The following TRPC5 variants were observed in gnomAD, a reference collection of about 807,000 sequenced individuals.
The protein encoded by TRPC5 is short transient receptor potential channel 5.
TRPC5 carries 9 observed loss-of-function variants against 56.5 expected under a neutral mutation model. The ratio of observed to expected loss-of-function variants is 0.16; its 90% confidence interval spans 0.10 to 0.28. TRPC5 has a LOEUF of 0.28. Ranked by LOEUF, TRPC5 falls within the 10% of genes least tolerant of loss-of-function variation. The pLI is 1.00. For synonymous variants in TRPC5, 282 were observed against 278.5 expected (o/e 1.01, Z -0.13); for missense variants, 469 against 748.9 (o/e 0.63, Z 4.36).
At chrX:112,034,316 G>GT (rs796144559) in intron 1 of TRPC5, among the ~76,000 whole-genome samples, 2,550 of 86,573 alleles carry the variant, frequency 0.029, 38 homozygotes, top group Non-Finnish European at 0.04. Context: ...ATCATTTTTT[G>GT]TTTTTTTTTT....
intron 1 of TRPC5, among the ~76,000 whole-genome samples, chrX:111,972,050 A>T (rs149810815): frequency 1.7e-3 from 186 of 111,411 alleles, no homozygotes; most frequent in African/African-American, 5.8e-3. Context: ...TGGATTAAAT[A>T]CTGATATGAA....
chrX:111,908,960 A>G (rs1361884195), intron 3 of TRPC5, among the ~76,000 whole-genome samples: 1 of 109,410 alleles, frequency 9.1e-6, no homozygotes, highest in African/African-American at 3.3e-5. Flanking sequence ...AAACCAGCCT[A>G]GGCAACATAG....
intron 2 of TRPC5, among the ~76,000 whole-genome samples, chrX:111,943,167 T>C (rs903055363): frequency 3.6e-5 from 4 of 111,924 alleles, no homozygotes; most frequent in Non-Finnish European, 5.6e-5. Context: ...TTTGGAGAGA[T>C]TAAATTATTT....
In TRPC5 at chrX:111,912,198, G is replaced by A; in HGVS notation, c.900+93C>T. On this transcript the variant is annotated intron_variant, in intron 3 of 10. Transcript: ENST00000262839. ...CTGCCCAACCATTTGTTTGTTAGGG[G>A]GCTAAATGGTAGAAAAATGCTGATT... 7.9e-6 allele frequency: 8 copies of A among 1,010,536 alleles called. No homozygotes were observed. The South Asian group carries it at 1.7e-4, about 21-fold the overall frequency. The allele number at this position is 1,010,536 out of a possible 1,213,427, so 83.3% of individuals were successfully genotyped here.
chrX:111,839,355 C>T (rs1462002300), intron 6 of TRPC5, among the ~76,000 whole-genome samples: 2 of 111,947 alleles, frequency 1.8e-5, no homozygotes, highest in African/African-American at 6.5e-5. Flanking sequence ...ACAAATCACA[C>T]TGTAGAGGCA....
In TRPC5 at chrX:111,999,305, T is replaced by C. The variant is rs139529253; in HGVS notation, c.-21-46864A>G. Among the ~76,000 whole-genome samples the C allele has an allele frequency of 4.1e-4, 46 of 112,020 alleles. No individual in the cohort carries two copies. The East Asian group carries it at 0.012, about 30-fold the overall frequency. On this transcript the variant is annotated intron_variant, in intron 1 of 10. Transcript: ENST00000262839. The stretch of plus-strand genomic sequence containing the variant: ...TTCTAGCCTCTTGGAAACACTATTT[T>C]ACTCACTACCTCCATGAGATGAATT...
intron 3 of TRPC5, among the ~76,000 whole-genome samples, chrX:111,866,580 G>C (rs969125690): frequency 1.8e-5 from 2 of 112,592 alleles, no homozygotes; most frequent in African/African-American, 6.5e-5. Context: ...GGCTTTCTTT[G>C]ACATAAAGCT....
At chrX:111,926,296 T>A (rs1926256519) in intron 2 of TRPC5, among the ~76,000 whole-genome samples, 1 of 111,679 alleles carries the variant, frequency 9.0e-6, no homozygotes, top group South Asian at 3.8e-4. Context: ...CCCAGGAGAG[T>A]TTGTTGGAAT....
intron 1 of TRPC5, among the ~76,000 whole-genome samples, chrX:111,998,891 A>C (rs952747757): frequency 1.8e-5 from 2 of 112,099 alleles, no homozygotes; most frequent in Non-Finnish European, 1.9e-5. Context: ...AATTATATAT[A>C]GTCTCCTGAC....
intron 1 of TRPC5, among the ~76,000 whole-genome samples, chrX:112,023,962 G>A (rs1043109389): frequency 9.0e-6 from 1 of 111,437 alleles, no homozygotes; most frequent in Non-Finnish European, 1.9e-5. Flanking sequence ...CATTTATAGA[G>A]TTAGGGAAAT....
Position 111,883,085 on chromosome X carries a change from C to CA in TRPC5, c.901-28980dup, listed in dbSNP as rs59699981. The stretch of plus-strand genomic sequence containing the variant: ...TGGGAAACAGAGCAAGACTCTGTCT[C>CA]AAAAAAAAAAAAAAAAAAAGACCTA... On this transcript the variant is annotated intron_variant, in intron 3 of 10. Coordinates refer to ENST00000262839, the MANE Select transcript of TRPC5 (RefSeq NM_012471.3). 6.0e-3 allele frequency among the ~76,000 whole-genome samples: 268 copies of CA among 44,986 alleles called. 3 individuals are homozygous for CA. Among genetic ancestry groups the CA allele is most frequent in the Middle Eastern group, 0.014 (1 of 69 alleles). 39.1% of individuals were successfully genotyped at this position (44,986 alleles called of 115,157 possible).
intron 7 of TRPC5, among the ~76,000 whole-genome samples, chrX:111,796,810 A>G (rs1341862308): frequency 3.6e-5 from 4 of 111,361 alleles, no homozygotes; most frequent in Admixed American, 9.6e-5. Context: ...GTACATGTCC[A>G]TGGCCTTCTA....
intron 1 of TRPC5, among the ~76,000 whole-genome samples, chrX:112,035,161 A>G (rs1478280678): frequency 1.9e-5 from 2 of 106,096 alleles, no homozygotes; most frequent in Non-Finnish European, 3.9e-5. Context: ...GACAGTTTCT[A>G]TTCCCCACAA....
chrX:112,015,556 T>C, intron 1 of TRPC5, among the ~76,000 whole-genome samples: 1 of 111,399 alleles, frequency 9.0e-6, no homozygotes. Flanking sequence ...GGTGTGAATG[T>C]TGCTGGTTCA....
At chrX:111,879,794 C>A (rs1468909640) in intron 3 of TRPC5, among the ~76,000 whole-genome samples, 1 of 112,437 alleles carries the variant, frequency 8.9e-6, no homozygotes, top group Non-Finnish European at 1.9e-5. Flanking sequence ...ATGCCAGGGG[C>A]ATATAGCTAC....
chrX:111,826,056 T>C (rs1276684199), intron 7 of TRPC5, among the ~76,000 whole-genome samples: 2 of 112,061 alleles, frequency 1.8e-5, no homozygotes, highest in African/African-American at 6.5e-5. Flanking sequence ...ATCTTCCCTA[T>C]TTTACAGAGA....
Position 112,011,057 on chromosome X carries a change from G to A in TRPC5, c.-21-58616C>T, listed in dbSNP as rs763826562. ...ATGCTACCCTCCCCCATTTGACAAG[G>A]GTAAAATACAGGCTATGTCTGAGCA... is the stretch of plus-strand genomic sequence containing the variant. On this transcript the variant is annotated intron_variant, in intron 1 of 10. Coordinates refer to ENST00000262839, the MANE Select transcript of TRPC5 (RefSeq NM_012471.3). Among the ~76,000 whole-genome samples, 8 of 111,318 alleles carry A rather than the reference G, an allele frequency of 7.2e-5. No individual in the cohort carries two copies. The South Asian group carries it at 1.2e-3, about 16-fold the overall frequency.
chrX:111,838,112 A>T (rs867265386), intron 6 of TRPC5, among the ~76,000 whole-genome samples: 1 of 109,350 alleles, frequency 9.1e-6, no homozygotes, highest in Admixed American at 9.8e-5. Context: ...AAACAAACAA[A>T]GAATGCATGC....
intron 2 of TRPC5, among the ~76,000 whole-genome samples, chrX:111,934,402 C>G (rs1926507081): frequency 1.8e-5 from 2 of 110,543 alleles, no homozygotes; most frequent in African/African-American, 6.6e-5. Context: ...ACAAGCATAC[C>G]ATGCATAATA....
Sources: allele counts gnomAD v4.1 joint callset (sites outside exome capture counted in the v4.1 genomes callset), GRCh38; gene constraint gnomAD v4.1.1; transcripts MANE v1.5; gene names NCBI Gene and HGNC (gene_info 2026-07-23, HGNC 2026-07-21).